DGKD: variants seen among roughly 807,000 people sequenced by gnomAD.
DGKD encodes DAG kinase delta.
Under a neutral mutation model 154.4 loss-of-function variants are expected in DGKD, and 68 were observed. That is an observed-to-expected ratio of 0.44 (90% CI 0.36 to 0.54). DGKD has a LOEUF of 0.54. Among genes scored for constraint, DGKD ranks in the 20% least tolerant of loss-of-function variants. DGKD has a pLI of 0.00. For synonymous variants in DGKD, 693 were observed against 638.0 expected (o/e 1.09, Z -1.30); for missense variants, 1,343 against 1,593.6 (o/e 0.84, Z 2.68).
chr2:233,414,025 G>A (rs901608201), intron 3 of DGKD, among the ~76,000 whole-genome samples: 1 of 152,176 alleles, frequency 6.6e-6, no homozygotes, highest in Non-Finnish European at 1.5e-5. Flanking sequence ...GGAAGCGGGG[G>A]TTCTAGATGA....
intron 2 of DGKD, chr2:233,389,122 C>T (rs1355969076): frequency 1.3e-5 from 2 of 152,328 alleles, no homozygotes; most frequent in Non-Finnish European, 2.9e-5. Flanking sequence ...GCCTTGGCCT[C>T]CCAAGGTGCT....
chr2:233,462,270 G>A, intron 24 of DGKD, 78 bp from the exon 25 acceptor site: 1 of 1,191,580 alleles, frequency 8.4e-7, no homozygotes, highest in Admixed American at 1.9e-5. Flanking sequence ...TGGTACCTGG[G>A]CCGTGTTCAG....
intron 12 of DGKD, 183 bp from the exon 13 acceptor site, chr2:233,447,904 A>T: frequency 7.0e-7 from 1 of 1,431,908 alleles, no homozygotes; most frequent in Non-Finnish European, 9.1e-7. Flanking sequence ...ACCTAGCACT[A>T]GGTGAGTCCC....
At chr2:233,404,916 G>C (rs1338324531) in intron 3 of DGKD, among the ~76,000 whole-genome samples, 2 of 152,136 alleles carry the variant, frequency 1.3e-5, no homozygotes, top group African/African-American at 4.8e-5. Context: ...ACTTGCATGA[G>C]GGATGGGGCT....
At chr2:233,447,517 TAAA>T in intron 12 of DGKD, 4 of 985,132 alleles carry the variant, frequency 4.1e-6, no homozygotes, top group Non-Finnish European at 4.8e-6. Flanking sequence ...TTCCTTTTTT[TAAA>T]AAAAAATTTT....
chr2:233,469,757 T>C lies in DGKD; in HGVS notation c.*297T>C, dbSNP rs1045814783. On this transcript the variant is annotated 3_prime_UTR_variant, in exon 30 of 30. Transcript: ENST00000264057. The stretch of plus-strand genomic sequence containing the variant: ...CCACTCAGCTCTCGCCCGCCTGTGC[T>C]GTGGGCCAGGGAATCCAGCGGCGTC... The C allele has an allele frequency of 8.2e-6, 3 of 366,386 alleles. No homozygotes were observed. The highest frequency in any genetic ancestry group is 1.5e-5 in the Non-Finnish European group (3 of 198,272). 22.7% of individuals were successfully genotyped at this position (366,386 alleles called of 1,614,324 possible). A position where few individuals can be genotyped will look rare whatever the true frequency, so the allele number is the denominator to read the frequency against.
At chr2:233,389,342 C>G (rs1703418249) in intron 2 of DGKD, among the ~76,000 whole-genome samples, 1 of 152,182 alleles carries the variant, frequency 6.6e-6, no homozygotes, top group Non-Finnish European at 1.5e-5. Context: ...AGATTACTGC[C>G]ATGTTTAAGC....
chr2:233,411,053 C>T (rs937444943), intron 3 of DGKD, among the ~76,000 whole-genome samples: 1 of 152,074 alleles, frequency 6.6e-6, no homozygotes, highest in African/African-American at 2.4e-5. Flanking sequence ...TTACGAATAT[C>T]AGTAGTCCAT....
chr2:233,370,066 C>T (rs905395673), intron 1 of DGKD, among the ~76,000 whole-genome samples: 2 of 152,030 alleles, frequency 1.3e-5, no homozygotes, highest in Non-Finnish European at 2.9e-5. Flanking sequence ...TAACCATCAC[C>T]TCTATCTAGT....
intron 1 of DGKD, among the ~76,000 whole-genome samples, chr2:233,373,602 A>G (rs1251763452): frequency 6.6e-6 from 1 of 152,220 alleles, no homozygotes; most frequent in Admixed American, 6.5e-5. Context: ...TCAGGAGTCA[A>G]ATATACAAAA....
In DGKD at chr2:233,452,427, A is replaced by C. The variant is rs147830331; in HGVS notation, c.2264+367A>C. Among the ~76,000 whole-genome samples the C allele has an allele frequency of 4.2e-3, 632 of 151,940 alleles. No homozygotes were observed. Among genetic ancestry groups the C allele is most frequent in the Non-Finnish European group, 7.2e-3 (489 of 67,954 alleles). On this transcript the variant is annotated intron_variant, in intron 18 of 29. Coordinates refer to ENST00000264057, the MANE Select transcript of DGKD (RefSeq NM_152879.3). This position sits in a 1 kb window ranked among gnomAD's most constrained non-coding sequence, Gnocchi z 4.0. ...CCATGATCTTGGCTGGACCTCACTG[A>C]CTTCTGCTTACAGCCTGCCATCTTC...
At chr2:233,401,031 C>T (rs776902649) in intron 3 of DGKD, among the ~76,000 whole-genome samples, 1 of 152,048 alleles carries the variant, frequency 6.6e-6, no homozygotes, top group Non-Finnish European at 1.5e-5. Flanking sequence ...GACTGGGCTC[C>T]TTCTCTTCTT....
chr2:233,442,082 C>G, intron 10 of DGKD, 87 bp downstream of exon 10: 1 of 1,175,196 alleles, frequency 8.5e-7, no homozygotes, highest in Non-Finnish European at 1.3e-6. Context: ...CTGTTCATCT[C>G]GGAGCACCTG....
At chr2:233,460,120 C>T (rs2063579539) in intron 23 of DGKD, 74 bp from the exon 24 acceptor site, 1 of 1,552,658 alleles carries the variant, frequency 6.4e-7, no homozygotes, top group Non-Finnish European at 8.7e-7. Context: ...ATCTCGTTGG[C>T]ATCCCCATAG....
intron 3 of DGKD, among the ~76,000 whole-genome samples, chr2:233,408,600 C>G (rs2061745120): frequency 6.6e-6 from 1 of 152,234 alleles, no homozygotes; most frequent in African/African-American, 2.4e-5. Context: ...TGTCCCAGCT[C>G]TGCCAGCTCT....
At position 233,451,003 on chromosome 2, in the gene DGKD, G is replaced by C; in HGVS notation, c.2120G>C (p.Gly707Ala). The C allele has an allele frequency of 1.2e-6, 2 of 1,612,394 alleles. No homozygotes were observed. Among genetic ancestry groups the C allele is most frequent in the South Asian group, 1.1e-5 (1 of 91,048 alleles). The change falls in exon 17 of 30, where the codon GGA becomes GCA. Residue 707 changes from glycine (G) to alanine (A), a missense_variant. This residue lies in a region of DGKD where 409 missense variants were observed against 446.0 expected (regional missense o/e 0.92). Transcript: ENST00000264057. ...GSSASLPPQP[G>A]SRDGLPALNT... The stretch of plus-strand genomic sequence containing the variant: ...TCTGCTTCCCTTCCGCCCCAGCCGG[G>C]AAGCCGGGACGGCCTGCCTGCGCTC...
chr2:233,365,188 A>G (rs1701962401), intron 1 of DGKD, among the ~76,000 whole-genome samples: 1 of 152,208 alleles, frequency 6.6e-6, no homozygotes, highest in Non-Finnish European at 1.5e-5. Flanking sequence ...CAAGTAGACA[A>G]AGAAATTTGT....
intron 3 of DGKD, among the ~76,000 whole-genome samples, chr2:233,399,826 C>A (rs2061513869): frequency 6.6e-6 from 1 of 152,144 alleles, no homozygotes; most frequent in South Asian, 2.1e-4. Context: ...AGGATGTGGA[C>A]AGCCTGGATG....
At chr2:233,419,691 G>T (rs75174151) in intron 3 of DGKD, among the ~76,000 whole-genome samples, 1 of 152,170 alleles carries the variant, frequency 6.6e-6, no homozygotes, top group African/African-American at 2.4e-5. Context: ...TGTGTGTGGT[G>T]AATTCCTACA....
Sources: gnomAD v4.1 joint callset for allele counts (sites outside exome capture counted in the v4.1 genomes callset) on GRCh38, gnomAD v4.1.1 for gene constraint, gnomAD v4.1.1 regional missense constraint, Gnocchi (gnomAD v3.1) non-coding constraint, MANE v1.5 for transcripts, NCBI Gene and HGNC (gene_info 2026-07-23, HGNC 2026-07-21) for gene names.